Variants in KLHL5 observed in about 807,000 individuals in gnomAD.
KLHL5 encodes the protein kelch-like protein 5.
KLHL5 carries 48 observed loss-of-function variants against 77.7 expected under a neutral mutation model. That is an observed-to-expected ratio of 0.62 (90% CI 0.49 to 0.79). KLHL5 has a LOEUF of 0.79. KLHL5 is among the 30% of genes least tolerant of loss of function. The probability of loss-of-function intolerance (pLI) is 0.00; values close to 1 mark genes in which losing one functional copy is unlikely to be tolerated. For synonymous variants in KLHL5, 260 were observed against 297.0 expected (o/e 0.88, Z 1.28); for missense variants, 723 against 859.7 (o/e 0.84, Z 1.99).
chr4:39,112,092 A>G (rs1560396), intron 8 of KLHL5, among the ~76,000 whole-genome samples: 80,180 of 151,954 alleles, frequency 0.53, 21,711 homozygotes, highest in Non-Finnish European at 0.59. Flanking sequence ...TATTTATGGA[A>G]AGCTTCCCAA....
chr4:39,123,370 G>A lies in KLHL5; in HGVS notation c.*2304G>A, dbSNP rs964416308. On this transcript the variant is annotated 3_prime_UTR_variant, in exon 11 of 11. Transcript: ENST00000504108. ...AGCACCCTGTGACATTCTATAAGGC[G>A]GACATTACCTTAACACCAAAGCCAG... Among the ~76,000 whole-genome samples the A allele has an allele frequency of 3.3e-5, 5 of 152,104 alleles. No homozygotes were observed. Among genetic ancestry groups the A allele is most frequent in the African/African-American group, 4.8e-5 (2 of 41,432 alleles).
chr4:39,116,930 G>A (rs1038507674), intron 10 of KLHL5, among the ~76,000 whole-genome samples: 1 of 152,038 alleles, frequency 6.6e-6, no homozygotes, highest in Non-Finnish European at 1.5e-5. Context: ...TTCACCTCCC[G>A]CATTCAAGAG....
At chr4:39,112,144 A>G (rs1722491667) in intron 8 of KLHL5, among the ~76,000 whole-genome samples, 1 of 152,204 alleles carries the variant, frequency 6.6e-6, no homozygotes, top group African/African-American at 2.4e-5. Context: ...AACAAGAAAT[A>G]TTGTGTTCAA....
chr4:39,122,705 C>T lies in KLHL5; in HGVS notation c.*1639C>T, dbSNP rs539602769. Among the ~76,000 whole-genome samples, 115 of 151,944 alleles carry T rather than the reference C, an allele frequency of 7.6e-4. 1 individual carries two copies. Among genetic ancestry groups the T allele is most frequent in the Middle Eastern group, 6.8e-3 (2 of 294 alleles). ...GCGGGTGCCTGTACGCCCAGCTACT[C>T]GGGAGGCTGAGGCGGGAGAATGGCG... On this transcript the variant is annotated 3_prime_UTR_variant, in exon 11 of 11. Coordinates refer to ENST00000504108, the MANE Select transcript of KLHL5 (RefSeq NM_015990.5).
intron 5 of KLHL5, among the ~76,000 whole-genome samples, chr4:39,094,998 G>C (rs1158749009): frequency 6.6e-6 from 1 of 151,992 alleles, no homozygotes; most frequent in Non-Finnish European, 1.5e-5. Context: ...ACACATATTT[G>C]ATGACCTAAA....
At chr4:39,047,815 T>C (rs2110104132) in intron 1 of KLHL5, among the ~76,000 whole-genome samples, 1 of 152,318 alleles carries the variant, frequency 6.6e-6, no homozygotes, top group Non-Finnish European at 1.5e-5. Context: ...TAATTTACTG[T>C]CAAATCATAA....
At chr4:39,087,750 T>C (rs6838298) in intron 5 of KLHL5, among the ~76,000 whole-genome samples, 2,229 of 152,244 alleles carry the variant, frequency 0.015, 56 homozygotes, top group African/African-American at 0.051. Context: ...CTGAAAGAGG[T>C]CTTGAAAGCA....
At chr4:39,084,202 G>C (rs1414657703) in intron 4 of KLHL5, among the ~76,000 whole-genome samples, 3 of 152,160 alleles carry the variant, frequency 2.0e-5, no homozygotes, top group Admixed American at 2.0e-4. Context: ...ACGCCAGTGA[G>C]TTCAATCAGT....
intron 5 of KLHL5, among the ~76,000 whole-genome samples, chr4:39,096,111 A>G (rs1023081819): frequency 6.6e-6 from 1 of 152,032 alleles, no homozygotes; most frequent in Non-Finnish European, 1.5e-5. Context: ...AGGTGTAATC[A>G]TATTTGTGCT....
At chr4:39,045,439 T>C (rs1716105305) in intron 1 of KLHL5, among the ~76,000 whole-genome samples, 1 of 151,790 alleles carries the variant, frequency 6.6e-6, no homozygotes, top group Non-Finnish European at 1.5e-5. Flanking sequence ...CACCCGTTGC[T>C]GCTTTCCCGG....
At chr4:39,070,419 A>T (rs189794089) in intron 1 of KLHL5, among the ~76,000 whole-genome samples, 1 of 152,284 alleles carries the variant, frequency 6.6e-6, no homozygotes, top group East Asian at 1.9e-4. Flanking sequence ...TTTGACCAGT[A>T]TTCTATTTTT....
At chr4:39,068,363 CAT>C (rs1718095055) in intron 1 of KLHL5, among the ~76,000 whole-genome samples, 1 of 152,006 alleles carries the variant, frequency 6.6e-6, no homozygotes. Flanking sequence ...TCCCCTCTCA[CAT>C]ATATGCCCAC....
intron 4 of KLHL5, among the ~76,000 whole-genome samples, chr4:39,084,650 A>G (rs968165621): frequency 1.3e-5 from 2 of 152,314 alleles, no homozygotes; most frequent in Non-Finnish European, 2.9e-5. Flanking sequence ...TTATTCTGAA[A>G]TAGATATATC....
intron 4 of KLHL5, among the ~76,000 whole-genome samples, chr4:39,083,321 G>A (rs1719785324): frequency 6.6e-6 from 1 of 152,152 alleles, no homozygotes; most frequent in Admixed American, 6.6e-5. Context: ...TCCAGTCAGT[G>A]AGTCTCATTC....
In KLHL5 at chr4:39,062,928, A is replaced by C. The variant is rs1488080550; in HGVS notation, c.276A>C (p.Ala92=). Residue 92 remains alanine (A), a synonymous_variant, in exon 1 of 11, where the codon GCA becomes GCC. Coordinates refer to ENST00000504108, the MANE Select transcript of KLHL5 (RefSeq NM_015990.5). ...TGGCATCCACCTCTGAAGTCCCTGC[A>C]TTTGAGTTTACAGCAGAAGATTGTG... ...WPMASTSEVP[A]FEFTAEDCGG... The C allele has an allele frequency of 7.4e-6, 12 of 1,614,044 alleles. No individual in the cohort carries two copies. Among genetic ancestry groups the C allele is most frequent in the Non-Finnish European group, 9.3e-6 (11 of 1,180,028 alleles).
chr4:39,121,217 G>A lies in KLHL5; in HGVS notation c.*151G>A. The A allele has an allele frequency of 4.6e-6, 3 of 655,510 alleles. No individual in the cohort carries two copies. The highest frequency in any genetic ancestry group is 5.4e-6 in the Non-Finnish European group (2 of 373,076). The allele number at this position is 655,510 out of a possible 1,614,324, so 40.6% of individuals were successfully genotyped here. ...TCAAAATGAAGATAGTAAAACAAGG[G>A]AGGAAGCAGTGGATGGACCAGGATT... On this transcript the variant is annotated 3_prime_UTR_variant, in exon 11 of 11. Coordinates refer to ENST00000504108, the MANE Select transcript of KLHL5 (RefSeq NM_015990.5).
At chr4:39,055,307 C>T (rs1002378056) in intron 1 of KLHL5, among the ~76,000 whole-genome samples, 6 of 152,210 alleles carry the variant, frequency 3.9e-5, no homozygotes, top group Non-Finnish European at 5.9e-5. Flanking sequence ...TTGAAGAAAG[C>T]GATGCATTAA....
At chr4:39,115,085 C>G (rs1722737547) in intron 9 of KLHL5, 74 bp from the exon 10 acceptor site, 10 of 1,347,344 alleles carry the variant, frequency 7.4e-6, no homozygotes, top group Non-Finnish European at 8.3e-6. Flanking sequence ...AGAAGATAGA[C>G]TTGAAGAACA....
chr4:39,081,270 T>A lies in KLHL5; in HGVS notation c.703+31T>A. Reference sequence around the variant, plus strand: ...GAGTCTGAAAATGTAAATTAAAACCTCTTAGATTTATGTTGTATTATTAGA... The same window carrying A: ...GAGTCTGAAAATGTAAATTAAAACCACTTAGATTTATGTTGTATTATTAGA... On this transcript the variant is annotated intron_variant, in intron 3 of 10. Coordinates refer to ENST00000504108, the MANE Select transcript of KLHL5 (RefSeq NM_015990.5). The surrounding 1 kb of genome is among the most constrained non-coding windows in gnomAD (Gnocchi z 4.3). The A allele has an allele frequency of 1.3e-6, 2 of 1,552,060 alleles. No individual in the cohort carries two copies. The highest frequency in any genetic ancestry group is 1.7e-6 in the Non-Finnish European group (2 of 1,147,774).
Sources: allele counts gnomAD v4.1 joint callset (sites outside exome capture counted in the v4.1 genomes callset), GRCh38; gene constraint gnomAD v4.1.1; non-coding constraint Gnocchi (gnomAD v3.1); transcripts MANE v1.5; gene names NCBI Gene and HGNC (gene_info 2026-07-23, HGNC 2026-07-21).